The following DLG3 variants were observed in gnomAD, a reference collection of about 807,000 sequenced individuals.
The protein encoded by DLG3 is disks large homolog 3.
Under a neutral mutation model 64.1 loss-of-function variants are expected in DLG3, and 1 was observed. The observed-to-expected ratio is 0.02, with a 90% CI of 0.01 to 0.07. The LOEUF (loss-of-function observed/expected upper bound fraction) is 0.07, where lower values mean the gene tolerates loss of function less well. DLG3 is among the 10% of genes least tolerant of loss of function. DLG3 has a pLI of 1.00. For missense variants in DLG3, 429 were observed against 669.5 expected (o/e 0.64, Z 3.96); for synonymous variants, 245 against 259.8 (o/e 0.94, Z 0.55).
chrX:70,448,852 T>G, intron 1 of DLG3, 61 bp from the exon 2 acceptor site: 1 of 1,173,395 alleles, frequency 8.5e-7, no homozygotes, highest in South Asian at 1.9e-5. Context: ...GCAGGTTGAC[T>G]AAGGGGCAGA....
In DLG3 at chrX:70,502,499, T is replaced by C; in HGVS notation, c.*230T>C. The C allele has an allele frequency of 5.7e-6, 2 of 348,802 alleles. No homozygotes were observed. Among genetic ancestry groups the C allele is most frequent in the South Asian group, 7.5e-5 (2 of 26,828 alleles). 28.7% of individuals were successfully genotyped at this position (348,802 alleles called of 1,213,427 possible). Reference sequence around the variant, plus strand: ...TGCCATCTCATTCATCATGTGACTGTGCCCATTCCTGCATGGACCTTTCCC... The same window carrying C: ...TGCCATCTCATTCATCATGTGACTGCGCCCATTCCTGCATGGACCTTTCCC... On this transcript the variant is annotated 3_prime_UTR_variant, in exon 19 of 19. Coordinates refer to ENST00000374360, the MANE Select transcript of DLG3 (RefSeq NM_021120.4).
In DLG3 at chrX:70,503,834, GT is replaced by G. The variant is rs1569300226; in HGVS notation, c.*1566del. On this transcript the variant is annotated 3_prime_UTR_variant, in exon 19 of 19. Transcript: ENST00000374360. ...AGTGCAGGCAGCAGGTGTGGTTCAGGTCCCCCCCCACCCCACTGTGCTCCTT... is the reference window on the plus strand; with the variant it reads ...AGTGCAGGCAGCAGGTGTGGTTCAGGCCCCCCCCACCCCACTGTGCTCCTT... 1 of 110,464 alleles carries G rather than the reference GT, an allele frequency of 9.1e-6. No homozygotes were observed. The highest frequency in any genetic ancestry group is 3.3e-5 in the African/African-American group (1 of 30,010). 9.1% of individuals were successfully genotyped at this position (110,464 alleles called of 1,213,427 possible).
intron 1 of DLG3, among the ~76,000 whole-genome samples, chrX:70,446,242 G>A (rs967059312): frequency 1.2e-4 from 13 of 110,517 alleles, no homozygotes; most frequent in South Asian, 4.0e-4. Flanking sequence ...GAGTGTGCAC[G>A]CGTGTGCCTG....
chrX:70,447,581 G>A lies in DLG3; in HGVS notation c.358-1332G>A, dbSNP rs2086581168. ...TGTGTGGGGTGGAGGTGGGACGGGG[G>A]AAGCACAGCAGGACATGTGGAGGAG... On this transcript the variant is annotated intron_variant, in intron 1 of 18. Coordinates refer to ENST00000374360, the MANE Select transcript of DLG3 (RefSeq NM_021120.4). Among the ~76,000 whole-genome samples, 6 of 111,988 alleles carry A rather than the reference G, an allele frequency of 5.4e-5. No homozygotes were observed. In the Admixed American group the frequency reaches 5.6e-4, roughly 11 times the overall value.
In DLG3 at chrX:70,454,207, T is replaced by C; in HGVS notation, c.1303-7T>C. On this transcript the variant is annotated splice_region_variant and splice_polypyrimidine_tract_variant and intron_variant, in intron 8 of 18. Coordinates refer to ENST00000374360, the MANE Select transcript of DLG3 (RefSeq NM_021120.4). ...TGGGGTGGCTCACAGCTTCTCTCTT[T>C]GGACAGGTGAATGGAGTGAATCTGA... 8.3e-7 allele frequency: 1 copy of C among 1,209,384 alleles called. No individual in the cohort carries two copies. The highest frequency in any genetic ancestry group is 1.8e-5 in the South Asian group (1 of 56,789).
chrX:70,493,548 G>A lies in DLG3; in HGVS notation c.1773+952G>A, dbSNP rs867517105. 31 of 960,978 alleles carry A rather than the reference G, an allele frequency of 3.2e-5. No individual in the cohort carries two copies. The African/African-American group carries it at 4.1e-4, about 13-fold the overall frequency. 79.2% of individuals were successfully genotyped at this position (960,978 alleles called of 1,213,427 possible). On this transcript the variant is annotated intron_variant, in intron 12 of 18. Transcript: ENST00000374360. ...TCTCATCCTCAGTTGCCCTTCCCTCGAGAGAAGCCTGGGCAGGGCCACGTG... is the reference window on the plus strand; with the variant it reads ...TCTCATCCTCAGTTGCCCTTCCCTCAAGAGAAGCCTGGGCAGGGCCACGTG...
Position 70,493,251 on chromosome X carries a change from G to A in DLG3, c.1773+655G>A, listed in dbSNP as rs1004698877. ...ATTTAATCTCATAGACTCCATTTGT[G>A]AGAGATGGTCTTTTATTTAGCTCAC... On this transcript the variant is annotated intron_variant, in intron 12 of 18. Transcript: ENST00000374360. 3 of 558,604 alleles carry A rather than the reference G, an allele frequency of 5.4e-6. No homozygotes were observed. The Admixed American group carries it at 9.2e-5, about 17-fold the overall frequency. The allele number at this position is 558,604 out of a possible 1,213,427, so 46.0% of individuals were successfully genotyped here.
Position 70,445,176 on chromosome X carries a change from G to A in DLG3, c.-26G>A. The A allele has an allele frequency of 4.5e-6, 5 of 1,116,079 alleles. No homozygotes were observed. Among genetic ancestry groups the A allele is most frequent in the Non-Finnish European group, 4.8e-6 (4 of 836,208 alleles). The allele number at this position is 1,116,079 out of a possible 1,213,427, so 92.0% of individuals were successfully genotyped here. A position where few individuals can be genotyped will look rare whatever the true frequency, so the allele number is the denominator to read the frequency against. The stretch of plus-strand genomic sequence containing the variant: ...GGCGTGGAATCCGGCGTGGGCTGGG[G>A]GGTCCGAGCCGCGGGGGGCAGTGCC... On this transcript the variant is annotated 5_prime_UTR_variant, in exon 1 of 19. Transcript: ENST00000374360.
intron 9 of DLG3, among the ~76,000 whole-genome samples, chrX:70,462,243 CTTTTT>C (rs141689653): frequency 4.3e-5 from 2 of 46,987 alleles, no homozygotes; most frequent in African/African-American, 1.1e-4. Context: ...TTCTTTCTTT[CTTTTT>C]TTTTTTTTTT....
At chrX:70,498,598 C>T (rs761338698) in intron 14 of DLG3, 28 bp downstream of exon 14, 7 of 1,181,079 alleles carry the variant, frequency 5.9e-6, no homozygotes, top group African/African-American at 3.5e-5. Flanking sequence ...GCCTTGTCTT[C>T]GTGCTGGTCT....
chrX:70,475,026 T>C (rs1030818186), intron 9 of DLG3, among the ~76,000 whole-genome samples: 1 of 110,756 alleles, frequency 9.0e-6, no homozygotes, highest in African/African-American at 3.3e-5. Flanking sequence ...GCAACAGAAA[T>C]GCTCAAACAA....
chrX:70,500,690 C>T (rs1337410271), intron 17 of DLG3, 110 bp downstream of exon 17: 6 of 726,993 alleles, frequency 8.3e-6, no homozygotes, highest in Non-Finnish European at 1.3e-5. Flanking sequence ...CTCTGTGCCC[C>T]AGCTCTGGTC....
chrX:70,496,864 C>A (rs553707991), intron 13 of DLG3, among the ~76,000 whole-genome samples: 14 of 112,760 alleles, frequency 1.2e-4, no homozygotes, highest in Middle Eastern at 4.6e-3. Context: ...TTGGGAGATG[C>A]ATTTTGAAAT....
intron 12 of DLG3, among the ~76,000 whole-genome samples, chrX:70,493,958 T>C (rs1159524431): frequency 8.9e-6 from 1 of 112,428 alleles, no homozygotes; most frequent in African/African-American, 3.2e-5. Flanking sequence ...ATCCCTGGAG[T>C]TGGGGCTACT....
intron 10 of DLG3, among the ~76,000 whole-genome samples, chrX:70,491,822 C>T (rs780692389): frequency 2.7e-5 from 3 of 112,277 alleles, no homozygotes; most frequent in East Asian, 2.8e-4. Flanking sequence ...TGAGCGAGTT[C>T]TACTTTGGAC....
At chrX:70,490,457 G>T (rs779689590) in intron 10 of DLG3, among the ~76,000 whole-genome samples, 2 of 111,902 alleles carry the variant, frequency 1.8e-5, no homozygotes, top group African/African-American at 6.5e-5. Flanking sequence ...GCACCTCCTT[G>T]TCTGCTGCCT....
chrX:70,493,145 G>A (rs1013505192), intron 12 of DLG3, among the ~76,000 whole-genome samples: 1 of 112,045 alleles, frequency 8.9e-6, no homozygotes, highest in African/African-American at 3.2e-5. Flanking sequence ...TGAGTGTTAT[G>A]AGTGTCTGGA....
At chrX:70,450,617 C>A (rs774496281) in intron 5 of DLG3, 22 bp from the exon 6 acceptor site, 11 of 1,210,725 alleles carry the variant, frequency 9.1e-6, no homozygotes, top group Non-Finnish European at 1.1e-5. Flanking sequence ...CAAGTCCCAG[C>A]CTGAGGCCTC....
At chrX:70,480,154 A>G (rs2087127212) in intron 10 of DLG3, among the ~76,000 whole-genome samples, 1 of 111,812 alleles carries the variant, frequency 8.9e-6, no homozygotes, top group African/African-American at 3.3e-5. Context: ...TTGCTACAGT[A>G]TTGTGTTTAA....
Sources: gnomAD v4.1 joint callset for allele counts (sites outside exome capture counted in the v4.1 genomes callset) on GRCh38, gnomAD v4.1.1 for gene constraint, MANE v1.5 for transcripts, NCBI Gene and HGNC (gene_info 2026-07-23, HGNC 2026-07-21) for gene names.